The following UBA52 variants were observed in gnomAD, a reference collection of about 807,000 sequenced individuals.
The protein encoded by UBA52 is ubiquitin-ribosomal protein eL40 fusion protein.
UBA52 carries 1 observed loss-of-function variant against 15.3 expected under a neutral mutation model. The observed-to-expected ratio is 0.07, with a 90% CI of 0.02 to 0.31. UBA52 has a LOEUF of 0.31. UBA52 is among the 10% of genes least tolerant of loss of function. UBA52 has a pLI of 1.00. For missense variants in UBA52, 87 were observed against 168.0 expected (o/e 0.52, Z 2.66); for synonymous variants, 50 against 58.3 (o/e 0.86, Z 0.65).
At chr19:18,567,335 C>A, upstream of UBA52, 1 of 731,452 alleles carries the variant, frequency 1.4e-6, no homozygotes, top group Non-Finnish European at 2.4e-6. Flanking sequence ...AGGGTGCTGG[C>A]CTGGTCCTGT....
At chr19:18,568,927 GC>G, upstream of UBA52, 1 of 445,332 alleles carries the variant, frequency 2.2e-6, no homozygotes, top group East Asian at 4.2e-5. Context: ...CCAGAGCTGA[GC>G]CTGACGTCTG....
In UBA52 at chr19:18,575,083, C is replaced by G; in HGVS notation, c.320C>G (p.Ala107Gly). Residue 107 changes from alanine (A) to glycine (G), a missense_variant, in exon 5 of 5, where the codon GCT becomes GGT. Ala to Gly is a moderately conservative substitution (Grantham distance 60). Transcript: ENST00000442744. ...TGCTATGCTCGCCTTCACCCTCGTGCTGTCAACTGCCGCAAGAAGAAGTGT... is the reference window on the plus strand; with the variant it reads ...TGCTATGCTCGCCTTCACCCTCGTGGTGTCAACTGCCGCAAGAAGAAGTGT... Reference protein sequence around the residue: ...RKCYARLHPRAVNCRKKKCGH... With the variant: ...RKCYARLHPRGVNCRKKKCGH... 6.2e-7 allele frequency: 1 copy of G among 1,614,250 alleles called. No individual in the cohort carries two copies. The highest frequency in any genetic ancestry group is 8.5e-7 in the Non-Finnish European group (1 of 1,180,040).
Position 18,575,132 on chromosome 19 carries a change from C to T in UBA52, c.369C>T (p.Pro123=), listed in dbSNP as rs761036051. The change falls in exon 5 of 5, where the codon CCC becomes CCT. Residue 123 remains proline (P), a synonymous_variant. Coordinates refer to ENST00000442744, the MANE Select transcript of UBA52 (RefSeq NM_001033930.3). ...KKCGHTNNLR[P]KKKVK is the part of the protein sequence containing the mutation. ...GTGGTCACACCAACAACCTGCGTCC[C>T]AAGAAGAAGGTCAAATAAGGTGGTT... The T allele has an allele frequency of 2.8e-5, 46 of 1,614,068 alleles. No homozygotes were observed. Among genetic ancestry groups the T allele is most frequent in the Non-Finnish European group, 3.8e-5 (45 of 1,180,032 alleles).
chr19:18,573,881 T>C, intron 3 of UBA52, 133 bp downstream of exon 3: 2 of 850,214 alleles, frequency 2.4e-6, no homozygotes, highest in Admixed American at 2.7e-5. Context: ...CTGGGCACAG[T>C]GGCTCATGCC....
chr19:18,574,994 G>T, intron 4 of UBA52, 22 bp downstream of exon 4: 1 of 1,614,202 alleles, frequency 6.2e-7, no homozygotes, highest in Non-Finnish European at 8.5e-7. Context: ...CCGATGCTTG[G>T]GGGGCTGTGG....
In UBA52 at chr19:18,575,367, G is replaced by A. The variant is rs1409330263; in HGVS notation, c.*217G>A. 9 of 575,940 alleles carry A rather than the reference G, an allele frequency of 1.6e-5. No individual in the cohort carries two copies. Among genetic ancestry groups the A allele is most frequent in the Non-Finnish European group, 2.2e-5 (7 of 324,236 alleles). The allele number at this position is 575,940 out of a possible 1,614,324, so 35.7% of individuals were successfully genotyped here. A position where few individuals can be genotyped will look rare whatever the true frequency, so the allele number is the denominator to read the frequency against. On this transcript the variant is annotated 3_prime_UTR_variant, in exon 5 of 5. Transcript: ENST00000442744. ...CTTCTGTCCTAGATTCTGTCACATC[G>A]GCATTGGTCCCTGCCCTATGCCCCT...
chr19:18,572,798 TAGAG>T (rs1269204262), intron 1 of UBA52: 1 of 1,005,874 alleles, frequency 9.9e-7, no homozygotes, highest in East Asian at 1.0e-4. Context: ...AGCTTGGAGT[TAGAG>T]AGGAGAGAGG....
At chr19:18,571,246 GT>G (rs975974088), upstream of UBA52, among the ~76,000 whole-genome samples, 1 of 148,980 alleles carries the variant, frequency 6.7e-6, no homozygotes, top group African/African-American at 2.5e-5. Flanking sequence ...GGAGGCGGAG[GT>G]TGCGGTGAGC....
upstream of UBA52, chr19:18,568,430 A>G: frequency 2.5e-6 from 4 of 1,613,998 alleles, 1 homozygote; most frequent in South Asian, 2.2e-5. Flanking sequence ...TCCTGGAGGA[A>G]GAGGATGAAG....
chr19:18,574,448 C>G (rs1405081070), intron 3 of UBA52, among the ~76,000 whole-genome samples: 1 of 151,816 alleles, frequency 6.6e-6, no homozygotes, highest in African/African-American at 2.4e-5. Context: ...GCCACCACGC[C>G]CAGCTAATTT....
chr19:18,568,298 C>A, upstream of UBA52: 1 of 780,754 alleles, frequency 1.3e-6, no homozygotes, highest in South Asian at 1.7e-5. Flanking sequence ...CAAGTCATAC[C>A]CCCATGGGGT....
At chr19:18,574,090 C>T in intron 3 of UBA52, among the ~76,000 whole-genome samples, 1 of 151,852 alleles carries the variant, frequency 6.6e-6, no homozygotes, top group East Asian at 1.9e-4. Flanking sequence ...TTGAGATCAT[C>T]ATGACCAACA....
the UBA52 span, among the ~76,000 whole-genome samples, chr19:18,565,648 G>A: frequency 6.6e-6 from 1 of 151,986 alleles, no homozygotes; most frequent in Non-Finnish European, 1.5e-5. Context: ...TGAGTAGCTG[G>A]GTCTACAGAC....
upstream of UBA52, chr19:18,568,492 C>T (rs146560600): frequency 3.8e-5 from 62 of 1,614,000 alleles, no homozygotes; most frequent in Non-Finnish European, 4.8e-5. Flanking sequence ...GAACAGAGCA[C>T]GGGCTCATGT....
rs5031053 is a variant in UBA52, at chr19:18,575,237, A to G, written c.*87A>G. The G allele has an allele frequency of 6.5e-3, 9,765 of 1,511,336 alleles. 505 individuals are homozygous for G. The African/African-American group carries it at 0.11, about 18-fold the overall frequency. 93.6% of individuals were successfully genotyped at this position (1,511,336 alleles called of 1,614,324 possible). Reference sequence around the variant, plus strand: ...AAGTGTCCCTTTCATTGACTGGAGCAGCAATTGGTGTCCTCATGGCTGATC... The same window carrying G: ...AAGTGTCCCTTTCATTGACTGGAGCGGCAATTGGTGTCCTCATGGCTGATC... On this transcript the variant is annotated 3_prime_UTR_variant, in exon 5 of 5. Transcript: ENST00000442744.
upstream of UBA52, chr19:18,567,178 C>T (rs544060947): frequency 5.6e-6 from 9 of 1,614,128 alleles, no homozygotes; most frequent in East Asian, 2.2e-5. Flanking sequence ...GGCCTTCAGC[C>T]GTAAGTGTCA....
chr19:18,567,248 G>C (rs749118676), upstream of UBA52: 1 of 1,500,908 alleles, frequency 6.7e-7, no homozygotes, highest in South Asian at 1.1e-5. Context: ...CTTCTGGAAG[G>C]CCACCTTGGG....
the UBA52 span, among the ~76,000 whole-genome samples, chr19:18,565,869 G>T: frequency 6.6e-6 from 1 of 152,068 alleles, no homozygotes; most frequent in Non-Finnish European, 1.5e-5. Flanking sequence ...TTGTATTTTA[G>T]TAGAGACGAG....
chr19:18,568,315 A>C, upstream of UBA52: 3 of 915,674 alleles, frequency 3.3e-6, no homozygotes, highest in Non-Finnish European at 5.2e-6. Context: ...GGGTGAGGGC[A>C]GCCGTTAGGG....
Sources: gnomAD v4.1 joint callset for allele counts (sites outside exome capture counted in the v4.1 genomes callset) on GRCh38, gnomAD v4.1.1 for gene constraint, MANE v1.5 for transcripts, NCBI Gene and HGNC (gene_info 2026-07-23, HGNC 2026-07-21) for gene names.